Variants in NAALADL2 observed in about 807,000 individuals in gnomAD.
NAALADL2 encodes N-acetylated alpha-linked acidic dipeptidase like 2.
NAALADL2 carries 76 observed loss-of-function variants against 87.2 expected under a neutral mutation model. The ratio of observed to expected loss-of-function variants is 0.87; its 90% confidence interval spans 0.72 to 1.05. The LOEUF (loss-of-function observed/expected upper bound fraction) is 1.05. Among genes scored for constraint, NAALADL2 ranks in the 50% least tolerant of loss-of-function variants. The probability of loss-of-function intolerance (pLI) is 0.00; values close to 1 mark genes in which losing one functional copy is unlikely to be tolerated. For synonymous variants in NAALADL2, 354 were observed against 331.0 expected, an observed-to-expected ratio of 1.07 and a Z score of -0.75; for missense variants, 1,089 against 945.8, an observed-to-expected ratio of 1.15 and a Z score of -1.99.
intron 11 of NAALADL2, among the ~76,000 whole-genome samples, chr3:175,712,396 G>A (rs1335136119): frequency 6.6e-6 from 1 of 152,032 alleles, no homozygotes; most frequent in African/African-American, 2.4e-5. Flanking sequence ...TTGCTGAGAT[G>A]AAGTGAAGGT....
At chr3:175,476,930 G>T (rs1397990362) in intron 9 of NAALADL2, among the ~76,000 whole-genome samples, 1 of 152,084 alleles carries the variant, frequency 6.6e-6, no homozygotes, top group Admixed American at 6.6e-5. Context: ...ACTAAGTCTT[G>T]TAATAAATCT....
At chr3:175,502,338 T>G (rs901290514) in intron 9 of NAALADL2, among the ~76,000 whole-genome samples, 9 of 152,026 alleles carry the variant, frequency 5.9e-5, no homozygotes, top group Non-Finnish European at 1.2e-4. Flanking sequence ...GCCTAATGTA[T>G]GTAACCCTCA....
intron 1 of NAALADL2, among the ~76,000 whole-genome samples, chr3:174,902,087 G>GC (rs1399243427): frequency 6.6e-6 from 1 of 152,110 alleles, no homozygotes; most frequent in Admixed American, 6.6e-5. Flanking sequence ...CTGATGCAGG[G>GC]CATGATCTAC....
intron 11 of NAALADL2, among the ~76,000 whole-genome samples, chr3:175,727,250 G>A (rs930654526): frequency 6.6e-6 from 1 of 152,140 alleles, no homozygotes; most frequent in Non-Finnish European, 1.5e-5. Flanking sequence ...GCATGGTGGT[G>A]ACTGAAACAG....
intron 5 of NAALADL2, among the ~76,000 whole-genome samples, chr3:175,420,990 T>A (rs905282912): frequency 2.0e-5 from 3 of 152,066 alleles, no homozygotes; most frequent in Non-Finnish European, 4.4e-5. Context: ...TTAGAAGTAT[T>A]TAATTAGAAG....
At chr3:175,621,735 A>G (rs925471349) in intron 10 of NAALADL2, among the ~76,000 whole-genome samples, 2 of 152,242 alleles carry the variant, frequency 1.3e-5, no homozygotes, top group Non-Finnish European at 2.9e-5. Context: ...AGTAATCTAG[A>G]GATGATACAA....
At chr3:175,224,661 G>A (rs1743900196) in intron 2 of NAALADL2, among the ~76,000 whole-genome samples, 1 of 152,074 alleles carries the variant, frequency 6.6e-6, no homozygotes, top group East Asian at 1.9e-4. Flanking sequence ...CTAGGTCCTG[G>A]CCTGATAGGA....
chr3:174,468,289 A>C (rs1481265905), intron 1 of NAALADL2, among the ~76,000 whole-genome samples: 2 of 152,056 alleles, frequency 1.3e-5, no homozygotes, highest in Non-Finnish European at 2.9e-5. Flanking sequence ...GAGGAATGTG[A>C]GTGTGAAGAG....
At chr3:174,566,474 A>G (rs1489666114) in intron 2 of NAALADL2, among the ~76,000 whole-genome samples, 3 of 151,740 alleles carry the variant, frequency 2.0e-5, no homozygotes, top group East Asian at 3.9e-4. Flanking sequence ...CAGTTTTACC[A>G]TGATGTGCCT....
At position 174,481,002 on chromosome 3, in the gene NAALADL2, A is replaced by G. The variant is rs146905666; in HGVS notation, c.-184+39970A>G. 6.6e-5 allele frequency among the ~76,000 whole-genome samples: 10 copies of G among 152,224 alleles called. No individual in the cohort carries two copies. In the East Asian group the frequency reaches 1.7e-3, roughly 26 times the overall value. The stretch of plus-strand genomic sequence containing the variant: ...ATAAGGACACTAGAAGATGATACCA[A>G]TCCTGGGTCCAGATTATTCTCCAGC... On this transcript the variant is annotated intron_variant, in intron 1 of 3. Transcript: ENST00000434257.
At chr3:174,991,165 A>G (rs1420490830) in intron 1 of NAALADL2, among the ~76,000 whole-genome samples, 1 of 152,168 alleles carries the variant, frequency 6.6e-6, no homozygotes, top group African/African-American at 2.4e-5. Flanking sequence ...ACATTCCTGT[A>G]TATTTAGTCT....
intron 5 of NAALADL2, among the ~76,000 whole-genome samples, chr3:175,339,621 G>A (rs549667077): frequency 6.6e-6 from 1 of 152,302 alleles, no homozygotes; most frequent in East Asian, 1.9e-4. Flanking sequence ...CAGAATATAA[G>A]TGGTGTTCAT....
intron 3 of NAALADL2, among the ~76,000 whole-genome samples, chr3:174,790,147 A>G (rs1177845030): frequency 7.2e-5 from 11 of 152,170 alleles, no homozygotes. Context: ...TGGCAGCCAT[A>G]GACACTTGGT....
chr3:175,716,600 T>C (rs1380565669), intron 11 of NAALADL2, among the ~76,000 whole-genome samples: 2 of 151,922 alleles, frequency 1.3e-5, no homozygotes, highest in African/African-American at 4.8e-5. Flanking sequence ...TACATGCAAA[T>C]TCATATAGGC....
intron 10 of NAALADL2, among the ~76,000 whole-genome samples, chr3:175,592,134 CA>C (rs1180386207): frequency 6.6e-6 from 1 of 151,990 alleles, no homozygotes; most frequent in African/African-American, 2.4e-5. Flanking sequence ...CCATAGAATT[CA>C]TTTATAAAAC....
chr3:175,357,050 C>G (rs1334919733), intron 5 of NAALADL2, among the ~76,000 whole-genome samples: 3 of 152,036 alleles, frequency 2.0e-5, no homozygotes, highest in Non-Finnish European at 4.4e-5. Context: ...AATCATTTAT[C>G]TTAACTCTCA....
At chr3:174,712,574 G>C (rs1279303981) in intron 2 of NAALADL2, among the ~76,000 whole-genome samples, 1 of 151,430 alleles carries the variant, frequency 6.6e-6, no homozygotes, top group African/African-American at 2.4e-5. Context: ...ATTTAGTAGA[G>C]ACGGGGTTTC....
At chr3:175,095,782 A>G (rs1721053924) in intron 1 of NAALADL2, among the ~76,000 whole-genome samples, 1 of 152,148 alleles carries the variant, frequency 6.6e-6, no homozygotes, top group Non-Finnish European at 1.5e-5. Flanking sequence ...CAGAAAAATC[A>G]TAAAACATAG....
chr3:175,366,031 C>T (rs1180673529), intron 5 of NAALADL2, among the ~76,000 whole-genome samples: 1 of 91,534 alleles, frequency 1.1e-5, no homozygotes, highest in Non-Finnish European at 2.1e-5. Context: ...TCCCCCCACC[C>T]CAGAGTGTGA....
Sources: allele counts gnomAD v4.1 joint callset (sites outside exome capture counted in the v4.1 genomes callset), GRCh38; gene constraint gnomAD v4.1.1; transcripts MANE v1.5; gene names NCBI Gene and HGNC (gene_info 2026-07-23, HGNC 2026-07-21).